The following COMMD1 variants were observed in gnomAD, a reference collection of about 807,000 sequenced individuals.
COMMD1 encodes the protein COMM domain-containing protein 1.
A neutral mutation model predicts 17.2 loss-of-function variants in COMMD1; 10 were observed. The observed-to-expected ratio is 0.58, with a 90% CI of 0.36 to 0.99. The LOEUF (loss-of-function observed/expected upper bound fraction) is 0.99. Among genes scored for constraint, COMMD1 ranks in the 50% least tolerant of loss-of-function variants. The pLI is 0.01. For missense variants in COMMD1, 270 were observed against 231.8 expected (o/e 1.17, Z -1.07); for synonymous variants, 97 against 91.6 (o/e 1.06, Z -0.34).
intron 1 of COMMD1, among the ~76,000 whole-genome samples, chr2:61,949,770 C>T (rs1335371097): frequency 6.6e-6 from 1 of 152,148 alleles, no homozygotes; most frequent in Non-Finnish European, 1.5e-5. Flanking sequence ...TCAGTACTAG[C>T]AAGGCGGCAA....
At chr2:62,103,946 T>G (rs1672254297) in intron 2 of COMMD1, among the ~76,000 whole-genome samples, 1 of 152,122 alleles carries the variant, frequency 6.6e-6, no homozygotes, top group African/African-American at 2.4e-5. Context: ...GTTTAAGTGA[T>G]TCTCCCACCT....
chr2:61,916,069 C>G (rs1443728930), intron 1 of COMMD1, among the ~76,000 whole-genome samples: 1 of 151,972 alleles, frequency 6.6e-6, no homozygotes, highest in African/African-American at 2.4e-5. Flanking sequence ...CTGTCGGGCT[C>G]AAGTGATTCT....
At chr2:62,043,142 A>T (rs1487634935) in intron 2 of COMMD1, among the ~76,000 whole-genome samples, 1 of 152,216 alleles carries the variant, frequency 6.6e-6, no homozygotes, top group Non-Finnish European at 1.5e-5. Flanking sequence ...AATACCAGCT[A>T]AGCCAGTGAC....
intron 1 of COMMD1, among the ~76,000 whole-genome samples, chr2:61,981,087 C>T (rs1671942061): frequency 1.3e-5 from 2 of 152,080 alleles, no homozygotes; most frequent in South Asian, 2.1e-4. Context: ...AATATTTTCT[C>T]CCATTCTGTG....
At chr2:61,892,482 C>T (rs1415901578) in intron 1 of COMMD1, among the ~76,000 whole-genome samples, 1 of 151,814 alleles carries the variant, frequency 6.6e-6, no homozygotes, top group Non-Finnish European at 1.5e-5. Context: ...CAGCTGAGGT[C>T]AGGGGATTGA....
Position 61,928,227 on chromosome 2 carries a change from A to G in COMMD1, c.180+22369A>G, listed in dbSNP as rs573275406. On this transcript the variant is annotated intron_variant, in intron 1 of 2. Coordinates refer to ENST00000311832, the MANE Select transcript of COMMD1 (RefSeq NM_152516.4). ...GCCTAGCCTGGAGTGCAGTGGTACA[A>G]TCTCGGCACATTACGACCTCCGCCT... Among the ~76,000 whole-genome samples, 99 of 152,110 alleles carry G rather than the reference A, an allele frequency of 6.5e-4. No homozygotes were observed. In the South Asian group the frequency reaches 7.5e-3, roughly 12 times the overall value.
chr2:62,002,854 A>C (rs1297174358), intron 2 of COMMD1, among the ~76,000 whole-genome samples: 1 of 152,004 alleles, frequency 6.6e-6, no homozygotes, highest in Admixed American at 6.6e-5. Context: ...TGTTGCAAAA[A>C]AAAAATTTAA....
intron 1 of COMMD1, among the ~76,000 whole-genome samples, chr2:61,965,288 A>T (rs1345749983): frequency 6.6e-6 from 1 of 152,148 alleles, no homozygotes; most frequent in Non-Finnish European, 1.5e-5. Flanking sequence ...TTTATGTAAA[A>T]TTTTTCTGAA....
chr2:62,007,514 A>G (rs1359075050), intron 2 of COMMD1, among the ~76,000 whole-genome samples: 1 of 152,240 alleles, frequency 6.6e-6, no homozygotes, highest in East Asian at 1.9e-4. Context: ...GATGGATCAC[A>G]TATACGATAG....
intron 1 of COMMD1, among the ~76,000 whole-genome samples, chr2:61,966,285 A>C (rs1197292286): frequency 6.6e-6 from 1 of 152,152 alleles, no homozygotes; most frequent in Non-Finnish European, 1.5e-5. Flanking sequence ...TTGCATGATG[A>C]TTATTACATA....
At chr2:61,953,306 C>A (rs1411025733) in intron 1 of COMMD1, among the ~76,000 whole-genome samples, 1 of 152,054 alleles carries the variant, frequency 6.6e-6, no homozygotes, top group Non-Finnish European at 1.5e-5. Flanking sequence ...AGCCACCATA[C>A]CCAGCCTAGT....
chr2:62,061,686 G>A (rs1312611257), intron 2 of COMMD1, among the ~76,000 whole-genome samples: 2 of 151,140 alleles, frequency 1.3e-5, no homozygotes, highest in East Asian at 3.9e-4. Flanking sequence ...CTCCTGAGTA[G>A]CCGGGACTAC....
intron 1 of COMMD1, among the ~76,000 whole-genome samples, chr2:61,965,950 CT>C (rs1178760999): frequency 6.6e-6 from 1 of 152,180 alleles, no homozygotes; most frequent in Non-Finnish European, 1.5e-5. Context: ...CTTGAATATG[CT>C]GTGAAGTTGG....
intron 1 of COMMD1, among the ~76,000 whole-genome samples, chr2:61,985,452 T>A (rs1470797960): frequency 6.6e-6 from 1 of 152,114 alleles, no homozygotes; most frequent in East Asian, 1.9e-4. Context: ...GATTGGAGAG[T>A]TTGGTTCATT....
chr2:62,054,277 ATAGTATGAAGT>A (rs1199285694), intron 2 of COMMD1, among the ~76,000 whole-genome samples: 1 of 152,226 alleles, frequency 6.6e-6, no homozygotes, highest in Admixed American at 6.5e-5. Flanking sequence ...TAATGCCAAG[ATAGTATGAAGT>A]TATCTCAAAG....
At chr2:61,915,006 C>CTT (rs112968937) in intron 1 of COMMD1, among the ~76,000 whole-genome samples, 1 of 133,198 alleles carries the variant, frequency 7.5e-6, no homozygotes, top group Non-Finnish European at 1.6e-5. Context: ...CTTTTCTTTC[C>CTT]TTTTTTTTTT....
chr2:62,115,999 AC>A (rs1421493713), intron 2 of COMMD1, among the ~76,000 whole-genome samples: 1 of 151,478 alleles, frequency 6.6e-6, no homozygotes, highest in Non-Finnish European at 1.5e-5. Context: ...GGCATGAGGC[AC>A]CACGCCCAGC....
At chr2:61,951,329 G>A (rs11675950) in intron 1 of COMMD1, among the ~76,000 whole-genome samples, 2,737 of 152,080 alleles carry the variant, frequency 0.018, 53 homozygotes, top group African/African-American at 0.041. Context: ...GCATGGTGGC[G>A]CGTGCCTGTA....
intron 2 of COMMD1, among the ~76,000 whole-genome samples, chr2:62,007,783 C>A (rs1417906613): frequency 1.3e-5 from 2 of 152,192 alleles, no homozygotes; most frequent in Admixed American, 6.5e-5. Context: ...GCACATTTCT[C>A]AGAAGGTATC....
Sources: gnomAD v4.1 joint callset for allele counts (sites outside exome capture counted in the v4.1 genomes callset) on GRCh38, gnomAD v4.1.1 for gene constraint, MANE v1.5 for transcripts, NCBI Gene and HGNC (gene_info 2026-07-23, HGNC 2026-07-21) for gene names.